CELF2: variants seen among roughly 807,000 people sequenced by gnomAD.
The protein encoded by CELF2 is CUGBP Elav-like family member 2.
A neutral mutation model predicts 62.6 loss-of-function variants in CELF2; 8 were observed. The observed-to-expected ratio is 0.13, with a 90% confidence interval of 0.07 to 0.23. The LOEUF is 0.23. Among genes scored for constraint, CELF2 ranks in the 10% least tolerant of loss-of-function variants. CELF2 has a pLI of 1.00. For synonymous variants in CELF2, 258 were observed against 250.0 expected (o/e 1.03, Z -0.30); for missense variants, 333 against 671.0 (o/e 0.50, Z 5.56).
At chr10:10,522,560 GGTT>G in the CELF2 span, among the ~76,000 whole-genome samples, 18 of 152,228 alleles carry the variant, frequency 1.2e-4, no homozygotes, top group South Asian at 2.1e-4. Flanking sequence ...AGGTGGTGGT[GGTT>G]GTTGTTGTTA....
intron 1 of CELF2, among the ~76,000 whole-genome samples, chr10:11,136,533 G>T (rs950006840): frequency 1.3e-5 from 2 of 152,186 alleles, no homozygotes; most frequent in Non-Finnish European, 2.9e-5. Context: ...TAACCTGGGA[G>T]GCGGAGGTTG....
At position 11,293,644 on chromosome 10, in the gene CELF2, C is replaced by A. The variant is rs553040087; in HGVS notation, c.976+5092C>A. Among the ~76,000 whole-genome samples, 4 of 152,352 alleles carry A rather than the reference C, an allele frequency of 2.6e-5. No homozygotes were observed. In the South Asian group the frequency reaches 8.3e-4, roughly 32 times the overall value. ...TCGGCCTCCCTTCACTAACACTGACCCTGTTGTCTGCAGGACGGTGATGTG... is the reference window on the plus strand; with the variant it reads ...TCGGCCTCCCTTCACTAACACTGACACTGTTGTCTGCAGGACGGTGATGTG... On this transcript the variant is annotated intron_variant, in intron 9 of 12. Transcript: ENST00000633077.
chr10:10,706,523 T>A, the CELF2 span, among the ~76,000 whole-genome samples: 1 of 152,132 alleles, frequency 6.6e-6, no homozygotes, highest in Non-Finnish European at 1.5e-5. Flanking sequence ...GAAAGGCCTA[T>A]GACCTTCAGG....
intron 1 of CELF2, among the ~76,000 whole-genome samples, chr10:10,837,502 G>A (rs1473433357): frequency 6.6e-6 from 1 of 152,086 alleles, no homozygotes; most frequent in Non-Finnish European, 1.5e-5. Context: ...AATTTTTATT[G>A]CACCTTCTAT....
chr10:10,470,265 G>A, the CELF2 span, among the ~76,000 whole-genome samples: 1 of 151,698 alleles, frequency 6.6e-6, no homozygotes, highest in Non-Finnish European at 1.5e-5. Flanking sequence ...AATAGTTTGT[G>A]TCTTCTACCC....
intron 2 of CELF2, chr10:10,935,143 T>C (rs1470875625): frequency 6.6e-6 from 1 of 152,222 alleles, no homozygotes; most frequent in Non-Finnish European, 1.5e-5. Flanking sequence ...TCGTGTACGC[T>C]GCTTGTTCTC....
chr10:10,545,450 C>A, the CELF2 span, among the ~76,000 whole-genome samples: 1 of 152,172 alleles, frequency 6.6e-6, no homozygotes, highest in African/African-American at 2.4e-5. Context: ...AGAAATGACA[C>A]CACGTACATT....
chr10:10,757,483 T>C, the CELF2 span, among the ~76,000 whole-genome samples: 1 of 152,018 alleles, frequency 6.6e-6, no homozygotes, highest in Non-Finnish European at 1.5e-5. Context: ...TAAAATAGAC[T>C]AACTCTGTGA....
intron 2 of CELF2, among the ~76,000 whole-genome samples, chr10:10,948,722 C>G (rs2135662940): frequency 6.6e-6 from 1 of 152,286 alleles, no homozygotes; most frequent in East Asian, 1.9e-4. Flanking sequence ...CCTCTTCATT[C>G]TCTACCTATC....
the CELF2 span, among the ~76,000 whole-genome samples, chr10:10,751,737 TTGG>T: frequency 6.6e-6 from 1 of 152,130 alleles, no homozygotes; most frequent in Non-Finnish European, 1.5e-5. Context: ...TCGTACTGCT[TTGG>T]GAAAAAAAAT....
the CELF2 span, among the ~76,000 whole-genome samples, chr10:10,638,050 G>T: frequency 1.3e-5 from 2 of 152,140 alleles, no homozygotes; most frequent in Non-Finnish European, 2.9e-5. Flanking sequence ...CACTTCAATT[G>T]GGGATACTGA....
rs1322948001 is a variant in CELF2 at position 10,947,851 on chromosome 10, G to C, written c.89+27852G>C. On this transcript the variant is annotated intron_variant, in intron 2 of 13. Transcript: ENST00000636488. The surrounding 1 kb of genome is among the most constrained non-coding windows in gnomAD (Gnocchi z 4.1). ...GAAAGTCTTCATGAAGAGTGTATTG[G>C]AGCAAGCCAGCAGAGGAGAGGTGGG... Among the ~76,000 whole-genome samples, 1 of 152,184 alleles carries C rather than the reference G, an allele frequency of 6.6e-6. No homozygotes were observed. Among genetic ancestry groups the C allele is most frequent in the African/African-American group, 2.4e-5 (1 of 41,434 alleles).
intron 1 of CELF2, among the ~76,000 whole-genome samples, chr10:11,009,989 G>T (rs562696461): frequency 9.8e-5 from 15 of 152,326 alleles, no homozygotes; most frequent in Admixed American, 4.6e-4. Context: ...ACTAGCCTGG[G>T]CACAGTTGTG....
At chr10:10,464,401 G>C in the CELF2 span, among the ~76,000 whole-genome samples, 52 of 144,822 alleles carry the variant, frequency 3.6e-4, no homozygotes, top group African/African-American at 1.3e-3. Flanking sequence ...AGAGCTAAAC[G>C]CAAGTCAAAC....
rs2080110265 is a variant in CELF2 at position 11,260,301 on chromosome 10, C to T, written c.538+2429C>T. On this transcript the variant is annotated intron_variant, in intron 5 of 12. Transcript: ENST00000633077. This position sits in a 1 kb window ranked among gnomAD's most constrained non-coding sequence, Gnocchi z 4.2. ...GTGCTTGATTTCTGCTCCCCGTCTG[C>T]TGGCCTGGCTGATCTAGGCAGTGAC... 6.6e-6 allele frequency among the ~76,000 whole-genome samples: 1 copy of T among 152,212 alleles called. No individual in the cohort carries two copies.
the CELF2 span, among the ~76,000 whole-genome samples, chr10:10,733,200 C>T: frequency 4.9e-3 from 744 of 152,192 alleles, 2 homozygotes; most frequent in Non-Finnish European, 6.4e-3. Flanking sequence ...AGTCTACACC[C>T]GGGCCATTGA....
intron 2 of CELF2, chr10:10,945,981 G>T (rs953456203): frequency 6.5e-6 from 1 of 152,674 alleles, no homozygotes; most frequent in African/African-American, 2.4e-5. Context: ...GTGTAGCAGG[G>T]GATTGGGCTG....
chr10:10,695,546 G>A, the CELF2 span, among the ~76,000 whole-genome samples: 2 of 150,928 alleles, frequency 1.3e-5, no homozygotes, highest in South Asian at 4.2e-4. Context: ...GAATCTGAAC[G>A]TTGGCCTGCC....
chr10:10,775,100 C>A, the CELF2 span, among the ~76,000 whole-genome samples: 7 of 152,082 alleles, frequency 4.6e-5, no homozygotes, highest in African/African-American at 1.7e-4. Context: ...TGGTCTTGGC[C>A]TCCTGATCTC....
Sources: allele counts gnomAD v4.1 joint callset (sites outside exome capture counted in the v4.1 genomes callset), GRCh38; gene constraint gnomAD v4.1.1; non-coding constraint Gnocchi (gnomAD v3.1); transcripts MANE v1.5; gene names NCBI Gene and HGNC (gene_info 2026-07-23, HGNC 2026-07-21).